ZNF184: variants seen among roughly 807,000 people sequenced by gnomAD.
The protein encoded by ZNF184 is zinc finger protein 184 (Kruppel-like).
ZNF184 carries 16 observed loss-of-function variants against 54.4 expected under a neutral mutation model. The ratio of observed to expected loss-of-function variants is 0.29; its 90% CI spans 0.20 to 0.45. The LOEUF (loss-of-function observed/expected upper bound fraction) is 0.45. Ranked by LOEUF, ZNF184 falls within the 20% of genes least tolerant of loss-of-function variation. The pLI is 1.00. For missense variants in ZNF184, 681 were observed against 888.2 expected, an observed-to-expected ratio of 0.77 and a Z score of 2.97; for synonymous variants, 254 against 295.3, an observed-to-expected ratio of 0.86 and a Z score of 1.43.
the ZNF184 span, among the ~76,000 whole-genome samples, chr6:27,421,360 T>C: frequency 2.6e-5 from 4 of 152,230 alleles, no homozygotes; most frequent in Non-Finnish European, 2.9e-5. Flanking sequence ...ATCTATACCT[T>C]CCACAGTTTT....
chr6:27,452,412 T>C lies in ZNF184; in HGVS notation c.1147A>G (p.Ile383Val). The C allele has an allele frequency of 1.2e-6, 2 of 1,613,972 alleles. No homozygotes were observed. The highest frequency in any genetic ancestry group is 1.7e-6 in the Non-Finnish European group (2 of 1,179,966). The change falls in exon 6 of 6, where the codon ATT (isoleucine) becomes GTT (valine). Residue 383 changes from isoleucine (I) to valine (V), a missense_variant. Transcript: ENST00000683788. The surrounding 1 kb of genome is among the most constrained non-coding windows in gnomAD (Gnocchi z 5.5). ...RSTHLTQHQK[I>V]HTGEKTYKCN... The stretch of plus-strand genomic sequence containing the variant: ...TTATAGGTTTTTTCTCCAGTATGAA[T>C]TTTTTGATGTTGAGTAAGGTGTGTG...
intron 4 of ZNF184, among the ~76,000 whole-genome samples, 153 bp downstream of exon 4, chr6:27,457,130 G>T (rs1762875743): frequency 6.6e-6 from 1 of 151,960 alleles, no homozygotes. Context: ...TTATTATTTT[G>T]TCCCTCTGCT....
At chr6:27,422,618 T>C in the ZNF184 span, among the ~76,000 whole-genome samples, 1 of 152,278 alleles carries the variant, frequency 6.6e-6, no homozygotes, top group African/African-American at 2.4e-5. Flanking sequence ...TTTTTGGATA[T>C]GTTCCTCATG....
chr6:27,424,858 T>C, the ZNF184 span, among the ~76,000 whole-genome samples: 2 of 152,116 alleles, frequency 1.3e-5, no homozygotes, highest in African/African-American at 4.8e-5. Flanking sequence ...TCGATGGGAC[T>C]GGGCGCCGTG....
Position 27,453,783 on chromosome 6 carries a change from A to G in ZNF184, c.299-523T>C, listed in dbSNP as rs1762790728. On this transcript the variant is annotated intron_variant, in intron 5 of 5. Coordinates refer to ENST00000683788, the MANE Select transcript of ZNF184 (RefSeq NM_001318891.2). The surrounding 1 kb of genome is among the most constrained non-coding windows in gnomAD (Gnocchi z 4.7). ...TAGAGAAATAATTTAGCAGGGAGAAACTAACAAGTTCAAGTCTAGGCATTT... is the reference window on the plus strand; with the variant it reads ...TAGAGAAATAATTTAGCAGGGAGAAGCTAACAAGTTCAAGTCTAGGCATTT... 6.6e-6 allele frequency among the ~76,000 whole-genome samples: 1 copy of G among 152,224 alleles called. No individual in the cohort carries two copies. Among genetic ancestry groups the G allele is most frequent in the Non-Finnish European group, 1.5e-5 (1 of 68,048 alleles).
chr6:27,435,746 A>G, the ZNF184 span, among the ~76,000 whole-genome samples: 1 of 152,182 alleles, frequency 6.6e-6, no homozygotes, highest in African/African-American at 2.4e-5. Context: ...CCCATCAGTT[A>G]AAACTCCCTG....
the ZNF184 span, among the ~76,000 whole-genome samples, chr6:27,429,803 T>C: frequency 6.6e-6 from 1 of 152,248 alleles, no homozygotes; most frequent in Admixed American, 6.5e-5. Context: ...TTAGTGTATT[T>C]GTTTGTTTGT....
the ZNF184 span, among the ~76,000 whole-genome samples, chr6:27,428,659 A>G: frequency 6.6e-6 from 1 of 152,214 alleles, no homozygotes. The surrounding 1 kb of genome is among the most constrained non-coding windows in gnomAD (Gnocchi z 4.1). Flanking sequence ...AAACTAAAAT[A>G]TGAGTTTCAC....
downstream of ZNF184, among the ~76,000 whole-genome samples, chr6:27,446,221 C>G (rs1335342734): frequency 6.6e-6 from 1 of 152,152 alleles, no homozygotes; most frequent in Non-Finnish European, 1.5e-5. Flanking sequence ...TTCAAGTCTG[C>G]CCCTACAATC....
At chr6:27,413,020 T>G in the ZNF184 span, among the ~76,000 whole-genome samples, 1 of 152,240 alleles carries the variant, frequency 6.6e-6, no homozygotes, top group African/African-American at 2.4e-5. Context: ...GCAGATCACC[T>G]GAAGTTGGGA....
intron 3 of ZNF184, among the ~76,000 whole-genome samples, chr6:27,466,146 G>GAC (rs1763132106): frequency 1.3e-4 from 2 of 15,746 alleles, no homozygotes; most frequent in South Asian, 6.8e-3. Flanking sequence ...CAGAGGGAGA[G>GAC]AGAGAGAGAG....
chr6:27,466,599 G>A (rs561902325), intron 3 of ZNF184, among the ~76,000 whole-genome samples: 36 of 152,084 alleles, frequency 2.4e-4, no homozygotes, highest in African/African-American at 8.0e-4. Flanking sequence ...ATGGTTTCAT[G>A]AATGTATACA....
At chr6:27,463,561 A>G (rs1490974014) in intron 3 of ZNF184, among the ~76,000 whole-genome samples, 1 of 152,150 alleles carries the variant, frequency 6.6e-6, no homozygotes, top group Non-Finnish European at 1.5e-5. Flanking sequence ...ACCAGAAATC[A>G]TTTTTGAGGA....
At chr6:27,459,428 A>C (rs1323749688) in intron 3 of ZNF184, among the ~76,000 whole-genome samples, 1 of 152,204 alleles carries the variant, frequency 6.6e-6, no homozygotes, top group Admixed American at 6.5e-5. Flanking sequence ...AGCAACAATA[A>C]AGGCCAACAA....
At chr6:27,465,664 C>T (rs1194958157) in intron 3 of ZNF184, among the ~76,000 whole-genome samples, 8 of 151,866 alleles carry the variant, frequency 5.3e-5, no homozygotes, top group African/African-American at 1.5e-4. Flanking sequence ...TGTTTCTCAA[C>T]GATAAAGGAG....
At chr6:27,432,580 G>A in the ZNF184 span, among the ~76,000 whole-genome samples, 2 of 152,226 alleles carry the variant, frequency 1.3e-5, no homozygotes, top group Admixed American at 1.3e-4. This position sits in a 1 kb window ranked among gnomAD's most constrained non-coding sequence, Gnocchi z 4.0. Context: ...GCTGCAGGGA[G>A]AGGGGTCTTT....
intron 5 of ZNF184, among the ~76,000 whole-genome samples, chr6:27,456,247 G>C (rs538309711): frequency 7.3e-6 from 1 of 137,308 alleles, no homozygotes; most frequent in Non-Finnish European, 1.6e-5. Flanking sequence ...AACAGAATGA[G>C]ACTTTGTTTC....
At chr6:27,458,910 A>G (rs748801627) in intron 3 of ZNF184, among the ~76,000 whole-genome samples, 6 of 152,264 alleles carry the variant, frequency 3.9e-5, no homozygotes, top group Non-Finnish European at 7.3e-5. Flanking sequence ...TTAAAAAAGA[A>G]TAAAATCTTG....
intron 3 of ZNF184, among the ~76,000 whole-genome samples, chr6:27,466,168 G>C (rs978328973): frequency 5.6e-5 from 7 of 124,880 alleles, no homozygotes; most frequent in African/African-American, 2.0e-4. Flanking sequence ...GAGAGAGAGA[G>C]AGATAAATTT....
Sources: gnomAD v4.1 joint callset for allele counts (sites outside exome capture counted in the v4.1 genomes callset) on GRCh38, gnomAD v4.1.1 for gene constraint, Gnocchi (gnomAD v3.1) non-coding constraint, MANE v1.5 for transcripts, NCBI Gene and HGNC (gene_info 2026-07-23, HGNC 2026-07-21) for gene names.